The following PRRX2 variants were observed in gnomAD, a reference collection of about 807,000 sequenced individuals.
PRRX2 encodes paired related homeobox 2, also known as paired mesoderm homeobox protein 2.
In PRRX2, 11 loss-of-function variants were observed where a neutral mutation model predicts 18.0. That is an observed-to-expected ratio of 0.61 (90% CI 0.39 to 1.01). The LOEUF is 1.01. Ranked by LOEUF, PRRX2 falls within the 50% of genes least tolerant of loss-of-function variation. The pLI, the probability that PRRX2 is intolerant of heterozygous loss-of-function variation, is 0.01. For synonymous variants in PRRX2, 177 were observed against 154.8 expected, an observed-to-expected ratio of 1.14 and a Z score of -1.06; for missense variants, 387 against 351.0, an observed-to-expected ratio of 1.10 and a Z score of -0.82.
intron 1 of PRRX2, among the ~76,000 whole-genome samples, chr9:129,688,647 C>A (rs912984216): frequency 6.6e-6 from 1 of 152,180 alleles, no homozygotes; most frequent in African/African-American, 2.4e-5. Context: ...CTGTCTCCTG[C>A]CATTCAATGG....
At chr9:129,674,092 A>G (rs1832135219) in intron 1 of PRRX2, among the ~76,000 whole-genome samples, 1 of 152,080 alleles carries the variant, frequency 6.6e-6, no homozygotes, top group African/African-American at 2.4e-5. Flanking sequence ...GAGCCACAGA[A>G]TCGCACCAGA....
Position 129,685,166 on chromosome 9 carries a change from A to C in PRRX2, c.259+19040A>C, listed in dbSNP as rs140543584. ...GGTCATCACCACCCTACCTGGTTCCAAGCACAGGCCTGGGAGGCCAGGGAG... is the reference window on the plus strand; with the variant it reads ...GGTCATCACCACCCTACCTGGTTCCCAGCACAGGCCTGGGAGGCCAGGGAG... On this transcript the variant is annotated intron_variant, in intron 1 of 3. Transcript: ENST00000372469. 4.4e-4 allele frequency among the ~76,000 whole-genome samples: 67 copies of C among 152,288 alleles called. 1 individual carries two copies. The highest frequency in any genetic ancestry group is 8.8e-4 in the Non-Finnish European group (60 of 68,000).
At chr9:129,667,636 G>A (rs1206548240) in intron 1 of PRRX2, among the ~76,000 whole-genome samples, 1 of 152,020 alleles carries the variant, frequency 6.6e-6, no homozygotes, top group African/African-American at 2.4e-5. Flanking sequence ...AGGGGGCCAG[G>A]GTGTCTCGTA....
chr9:129,716,607 A>G (rs1348904042), intron 1 of PRRX2, among the ~76,000 whole-genome samples: 2 of 152,012 alleles, frequency 1.3e-5, no homozygotes, highest in Non-Finnish European at 2.9e-5. Context: ...GGCATGCACC[A>G]CCACACTTGG....
At chr9:129,721,321 C>T (rs981569368) in intron 3 of PRRX2, among the ~76,000 whole-genome samples, 1 of 152,120 alleles carries the variant, frequency 6.6e-6, no homozygotes, top group African/African-American at 2.4e-5. Flanking sequence ...AGTTCTGGGG[C>T]AGTTTTGTCT....
intron 1 of PRRX2, among the ~76,000 whole-genome samples, chr9:129,678,336 C>T (rs926441407): frequency 2.6e-5 from 4 of 152,154 alleles, no homozygotes; most frequent in South Asian, 2.1e-4. Flanking sequence ...TCTGTGAATG[C>T]TTCTCTCCTT....
chr9:129,721,749 G>C (rs559892589), intron 3 of PRRX2, among the ~76,000 whole-genome samples: 1 of 152,068 alleles, frequency 6.6e-6, no homozygotes, highest in Non-Finnish European at 1.5e-5. Context: ...CAAGCTAATT[G>C]TTTGTATTTT....
intron 1 of PRRX2, among the ~76,000 whole-genome samples, chr9:129,678,033 G>A (rs550996445): frequency 2.1e-5 from 3 of 145,286 alleles, no homozygotes; most frequent in Admixed American, 1.4e-4. Flanking sequence ...GCGCAATCTC[G>A]GCTCGCTACA....
intron 1 of PRRX2, among the ~76,000 whole-genome samples, chr9:129,689,029 ATGT>A (rs1466545380): frequency 1.3e-5 from 2 of 152,266 alleles, no homozygotes; most frequent in South Asian, 2.1e-4. Context: ...GAGGCCAGAA[ATGT>A]TGTGTGTCGT....
chr9:129,676,617 C>T (rs1832164769), intron 1 of PRRX2, among the ~76,000 whole-genome samples: 2 of 152,198 alleles, frequency 1.3e-5, no homozygotes, highest in East Asian at 1.9e-4. Flanking sequence ...CCCCTGCCCT[C>T]AGACGGCTTC....
At chr9:129,668,793 A>G (rs867059582) in intron 1 of PRRX2, among the ~76,000 whole-genome samples, 7 of 151,174 alleles carry the variant, frequency 4.6e-5, no homozygotes, top group African/African-American at 1.7e-4. Flanking sequence ...AAAAAAAAAA[A>G]AAAAAGAAAG....
At chr9:129,667,841 C>T (rs1005556892) in intron 1 of PRRX2, among the ~76,000 whole-genome samples, 5 of 152,184 alleles carry the variant, frequency 3.3e-5, no homozygotes, top group African/African-American at 9.6e-5. Flanking sequence ...CTCCAGGCAG[C>T]TGGGTGTGCA....
In PRRX2 at chr9:129,695,108, C is replaced by G. The variant is rs1334288936; in HGVS notation, c.260-24123C>G. On this transcript the variant is annotated intron_variant, in intron 1 of 3. Coordinates refer to ENST00000372469, the MANE Select transcript of PRRX2 (RefSeq NM_016307.4). The surrounding 1 kb of genome is among the most constrained non-coding windows in gnomAD (Gnocchi z 4.8). The stretch of plus-strand genomic sequence containing the variant: ...AGCAGTCCAGGGAGAACCCCAACAC[C>G]CCACAGGCAAGTGGCTGGACCTGGC... Among the ~76,000 whole-genome samples the G allele has an allele frequency of 1.3e-5, 2 of 152,202 alleles. No individual in the cohort carries two copies. The highest frequency in any genetic ancestry group is 2.9e-5 in the Non-Finnish European group (2 of 68,038).
At chr9:129,702,397 C>CAAAA (rs79630793) in intron 1 of PRRX2, among the ~76,000 whole-genome samples, 1 of 89,312 alleles carries the variant, frequency 1.1e-5, no homozygotes. Context: ...GACTCCGTCT[C>CAAAA]AAAAAAAAAA....
intron 1 of PRRX2, among the ~76,000 whole-genome samples, chr9:129,668,505 C>T (rs567042888): frequency 4.6e-5 from 7 of 152,144 alleles, no homozygotes; most frequent in East Asian, 1.9e-4. Context: ...TGGCCGGGGG[C>T]GGTGGCTCAC....
At chr9:129,700,745 G>T (rs1832483570) in intron 1 of PRRX2, among the ~76,000 whole-genome samples, 1 of 152,130 alleles carries the variant, frequency 6.6e-6, no homozygotes, top group South Asian at 2.1e-4. Flanking sequence ...AGCCTCCTGA[G>T]TTGCTGGGAC....
intron 1 of PRRX2, among the ~76,000 whole-genome samples, chr9:129,668,565 G>A (rs1588159742): frequency 3.3e-5 from 5 of 151,726 alleles, no homozygotes; most frequent in Admixed American, 3.3e-4. Flanking sequence ...ATCACTAGAG[G>A]TCAGGAGTTT....
chr9:129,702,367 C>T (rs1832509023), intron 1 of PRRX2, among the ~76,000 whole-genome samples: 1 of 150,974 alleles, frequency 6.6e-6, no homozygotes, highest in Non-Finnish European at 1.5e-5. Context: ...TACTGCACTC[C>T]AGCCTGGGCG....
chr9:129,697,657 C>T (rs1481143094), intron 1 of PRRX2, among the ~76,000 whole-genome samples: 1 of 151,968 alleles, frequency 6.6e-6, no homozygotes, highest in East Asian at 1.9e-4. Context: ...GAGACCCCCG[C>T]CCAGCAAGCC....
Sources: gnomAD v4.1 joint callset for allele counts (sites outside exome capture counted in the v4.1 genomes callset) on GRCh38, gnomAD v4.1.1 for gene constraint, Gnocchi (gnomAD v3.1) non-coding constraint, MANE v1.5 for transcripts, NCBI Gene and HGNC (gene_info 2026-07-23, HGNC 2026-07-21) for gene names.